The following NAV3 variants were observed in gnomAD, a reference collection of about 807,000 sequenced individuals.
The protein encoded by NAV3 is neuron navigator 3, also known as pore membrane and/or filament interacting like protein 1.
A neutral mutation model predicts 244.7 loss-of-function variants in NAV3; 87 were observed. The ratio of observed to expected loss-of-function variants is 0.36; its 90% CI spans 0.30 to 0.42. The LOEUF is 0.42. Ranked by LOEUF, NAV3 falls within the 20% of genes least tolerant of loss-of-function variation. The pLI is 1.00. For missense variants in NAV3, 2,663 were observed against 2,893.3 expected, an observed-to-expected ratio of 0.92 and a Z score of 1.83; for synonymous variants, 1,126 against 1,042.2, an observed-to-expected ratio of 1.08 and a Z score of -1.55.
chr12:78,154,754 C>G (rs1297034601), intron 22 of NAV3, among the ~76,000 whole-genome samples: 1 of 151,876 alleles, frequency 6.6e-6, no homozygotes, highest in Non-Finnish European at 1.5e-5. Flanking sequence ...TCATTAACAA[C>G]CCCCCTGAAA....
rs1594046447 is a variant in NAV3 at position 78,205,155 on chromosome 12, C to T, written c.7038+17C>T. ...GATCCCCTGGTAAGAATCAGATGTT[C>T]ATTTCTTCCTATGTAATCTTGACTA... On this transcript the variant is annotated intron_variant, in intron 39 of 39. Coordinates refer to ENST00000397909, the MANE Select transcript of NAV3 (RefSeq NM_001024383.2). The T allele has an allele frequency of 6.2e-7, 1 of 1,607,682 alleles. No homozygotes were observed. Among genetic ancestry groups the T allele is most frequent in the East Asian group, 2.2e-5 (1 of 44,708 alleles).
intron 1 of NAV3, among the ~76,000 whole-genome samples, chr12:77,865,718 C>T (rs773218985): frequency 1.3e-5 from 2 of 151,688 alleles, no homozygotes; most frequent in South Asian, 2.1e-4. Context: ...TAAAACAATT[C>T]GTTGCTTCTC....
chr12:77,915,520 T>C (rs752049928), intron 1 of NAV3, among the ~76,000 whole-genome samples: 19 of 151,686 alleles, frequency 1.3e-4, no homozygotes, highest in Non-Finnish European at 2.4e-4. Flanking sequence ...TCTCTTCATG[T>C]TAAAAGAAAA....
chr12:78,188,141 A>G (rs1958809759), intron 31 of NAV3, 107 bp from the exon 32 acceptor site: 18 of 786,648 alleles, frequency 2.3e-5, no homozygotes, highest in South Asian at 2.1e-4. Context: ...GGTTTAACAA[A>G]TAGTTTAGTC....
At chr12:78,144,932 A>T (rs1296397318) in intron 20 of NAV3, 2 of 144,156 alleles carry the variant, frequency 1.4e-5, no homozygotes, top group East Asian at 4.3e-4. Flanking sequence ...AAAAAAAAAA[A>T]AAAAAAAAAA....
At chr12:77,628,659 G>T (rs1027278782) in intron 2 of NAV3, among the ~76,000 whole-genome samples, 1 of 151,934 alleles carries the variant, frequency 6.6e-6, no homozygotes, top group Non-Finnish European at 1.5e-5. Flanking sequence ...CAAGGCAGGC[G>T]AATTGTTTGA....
intron 1 of NAV3, among the ~76,000 whole-genome samples, chr12:77,884,584 A>C (rs1293603859): frequency 1.3e-5 from 2 of 152,122 alleles, no homozygotes; most frequent in Non-Finnish European, 2.9e-5. Flanking sequence ...CAGCACAGAG[A>C]GAGCAAATTT....
At chr12:78,172,226 T>C (rs1024737652) in intron 24 of NAV3, among the ~76,000 whole-genome samples, 4 of 151,696 alleles carry the variant, frequency 2.6e-5, no homozygotes, top group African/African-American at 9.7e-5. Context: ...ATATACCAAA[T>C]ATAGTTGGAT....
intron 39 of NAV3, among the ~76,000 whole-genome samples, chr12:78,209,717 A>T (rs190307458): frequency 6.6e-6 from 1 of 152,186 alleles, no homozygotes; most frequent in Admixed American, 6.6e-5. Context: ...TTCTCCTATA[A>T]GGCTGGGAAA....
intron 2 of NAV3, among the ~76,000 whole-genome samples, chr12:77,683,303 C>G (rs1024062442): frequency 6.6e-6 from 1 of 151,912 alleles, no homozygotes; most frequent in Non-Finnish European, 1.5e-5. Flanking sequence ...TGGCATCTTT[C>G]AAAAATTAAT....
Position 78,210,628 on chromosome 12 carries a change from C to G in NAV3, c.*111C>G. The G allele has an allele frequency of 7.6e-7, 1 of 1,321,374 alleles. No homozygotes were observed. Among genetic ancestry groups the G allele is most frequent in the Non-Finnish European group, 1.0e-6 (1 of 974,734 alleles). The allele number at this position is 1,321,374 out of a possible 1,614,324, so 81.9% of individuals were successfully genotyped here. A position where few individuals can be genotyped will look rare whatever the true frequency, so the allele number is the denominator to read the frequency against. ...AAAAGCACCCTGTCAAGGGCCCTGA[C>G]CCAGAGTTGTGGTCTCCAAGGAGGC... On this transcript the variant is annotated 3_prime_UTR_variant, in exon 40 of 40. Coordinates refer to ENST00000397909, the MANE Select transcript of NAV3 (RefSeq NM_001024383.2).
At chr12:77,647,928 A>T (rs1012257973) in intron 2 of NAV3, among the ~76,000 whole-genome samples, 5 of 152,092 alleles carry the variant, frequency 3.3e-5, no homozygotes, top group African/African-American at 1.2e-4. Context: ...CCTTAAACAG[A>T]TGGGAAAATT....
chr12:78,109,551 A>G (rs1280578383), intron 12 of NAV3, among the ~76,000 whole-genome samples: 1 of 152,112 alleles, frequency 6.6e-6, no homozygotes, highest in Non-Finnish European at 1.5e-5. Context: ...ATCATTAACA[A>G]AATACTGGCA....
At chr12:77,970,948 C>T (rs1046901846) in intron 5 of NAV3, among the ~76,000 whole-genome samples, 12 of 152,026 alleles carry the variant, frequency 7.9e-5, no homozygotes, top group South Asian at 4.1e-4. Context: ...GGAAGTGATA[C>T]GGAATATCAT....
At chr12:78,112,833 CA>C (rs1311851018) in intron 12 of NAV3, among the ~76,000 whole-genome samples, 2 of 152,130 alleles carry the variant, frequency 1.3e-5, no homozygotes, top group African/African-American at 4.8e-5. Flanking sequence ...AGTATTAACA[CA>C]AAAGTCCAAG....
intron 2 of NAV3, among the ~76,000 whole-genome samples, chr12:77,694,168 A>G (rs1875175476): frequency 6.6e-6 from 1 of 151,998 alleles, no homozygotes; most frequent in Non-Finnish European, 1.5e-5. Flanking sequence ...TAGGGTGATT[A>G]TAAAAGAAGT....
chr12:77,780,857 G>A (rs1870629429), intron 2 of NAV3, among the ~76,000 whole-genome samples: 1 of 152,126 alleles, frequency 6.6e-6, no homozygotes, highest in South Asian at 2.1e-4. Flanking sequence ...GTAAAATTTA[G>A]CCAAGCTGAG....
chr12:77,991,342 G>A (rs887236059), intron 5 of NAV3, among the ~76,000 whole-genome samples: 1 of 151,948 alleles, frequency 6.6e-6, no homozygotes, highest in Non-Finnish European at 1.5e-5. Flanking sequence ...TTTTTTAAGA[G>A]ACAAGAGTAG....
At chr12:78,165,519 T>G (rs1242392019) in intron 23 of NAV3, among the ~76,000 whole-genome samples, 7 of 151,950 alleles carry the variant, frequency 4.6e-5, no homozygotes, top group African/African-American at 1.7e-4. Flanking sequence ...TAAAAATTTC[T>G]AATGATTTTA....
Sources: gnomAD v4.1 joint callset for allele counts (sites outside exome capture counted in the v4.1 genomes callset) on GRCh38, gnomAD v4.1.1 for gene constraint, MANE v1.5 for transcripts, NCBI Gene and HGNC (gene_info 2026-07-23, HGNC 2026-07-21) for gene names.